ANK3: variants seen among roughly 807,000 people sequenced by gnomAD.
ANK3 encodes ankyrin-3.
ANK3 carries 57 observed loss-of-function variants against 370.9 expected under a neutral mutation model. That is an observed-to-expected ratio of 0.15 (90% confidence interval 0.12 to 0.19). The LOEUF is 0.19. ANK3 is among the 10% of genes least tolerant of loss of function. The probability of loss-of-function intolerance (pLI) is 1.00; values close to 1 mark genes in which losing one functional copy is unlikely to be tolerated. For synonymous variants in ANK3, 1,929 were observed against 1,946.3 expected, an observed-to-expected ratio of 0.99 and a Z score of 0.23; for missense variants, 4,439 against 5,302.1, an observed-to-expected ratio of 0.84 and a Z score of 5.06.
At chr10:60,483,091 A>AT (rs896882402) in intron 2 of ANK3, among the ~76,000 whole-genome samples, 5 of 152,168 alleles carry the variant, frequency 3.3e-5, no homozygotes, top group African/African-American at 1.2e-4. Flanking sequence ...TATAAGGAGT[A>AT]TTTTTTATCT....
At chr10:60,501,767 A>T (rs2075805400) in intron 2 of ANK3, among the ~76,000 whole-genome samples, 1 of 150,374 alleles carries the variant, frequency 6.7e-6, no homozygotes, top group Non-Finnish European at 1.5e-5. Flanking sequence ...AAGAGGACAC[A>T]GTTTGAGACC....
At chr10:60,630,531 C>T (rs1249575590) in intron 1 of ANK3, among the ~76,000 whole-genome samples, 1 of 152,136 alleles carries the variant, frequency 6.6e-6, no homozygotes, top group Non-Finnish European at 1.5e-5. Context: ...TGCAGAGGAA[C>T]TAATCAGAGT....
intron 2 of ANK3, among the ~76,000 whole-genome samples, chr10:60,573,859 TCA>T (rs1203067121): frequency 6.6e-6 from 1 of 152,020 alleles, no homozygotes; most frequent in East Asian, 1.9e-4. Context: ...GAGAGAGGGT[TCA>T]GGTCCATTCC....
intron 4 of ANK3, among the ~76,000 whole-genome samples, chr10:60,273,236 A>G (rs893135255): frequency 1.3e-5 from 2 of 152,294 alleles, no homozygotes; most frequent in Non-Finnish European, 2.9e-5. Context: ...ATAGCTTTCT[A>G]CTTTCTTTTT....
chr10:60,331,044 A>C (rs2051131021), intron 1 of ANK3, among the ~76,000 whole-genome samples: 2 of 151,626 alleles, frequency 1.3e-5, no homozygotes, highest in African/African-American at 4.9e-5. Context: ...GCATGTTCTC[A>C]CTCATAAGTG....
rs749237603 is a variant in ANK3 at position 60,181,322 on chromosome 10, C to T, written c.2184+7G>A. ...TCTTTTCCGTGTGGCAAGGGAGGGC[C>T]GTATACCTTTGTCTGGGCGTCCACA... On this transcript the variant is annotated splice_region_variant and intron_variant, in intron 18 of 43. Coordinates refer to ENST00000280772, the MANE Select transcript of ANK3 (RefSeq NM_020987.5). 2.7e-5 allele frequency: 43 copies of T among 1,613,252 alleles called. No homozygotes were observed. The highest frequency in any genetic ancestry group is 3.3e-4 in the Middle Eastern group (2 of 6,082).
intron 1 of ANK3, among the ~76,000 whole-genome samples, chr10:60,304,541 G>A (rs1200611076): frequency 6.6e-6 from 1 of 152,030 alleles, no homozygotes; most frequent in Non-Finnish European, 1.5e-5. Flanking sequence ...TACTCAGGAG[G>A]CTGAGGCAGA....
At chr10:60,244,705 G>A (rs1033492684) in intron 7 of ANK3, among the ~76,000 whole-genome samples, 5 of 152,164 alleles carry the variant, frequency 3.3e-5, no homozygotes, top group African/African-American at 1.2e-4. Flanking sequence ...TACGTTCACA[G>A]AGAAAGCACA....
intron 2 of ANK3, among the ~76,000 whole-genome samples, chr10:60,478,362 G>A (rs1347681930): frequency 6.6e-6 from 1 of 152,002 alleles, no homozygotes; most frequent in East Asian, 1.9e-4. Flanking sequence ...AGCTATTTCA[G>A]TAGGTTATAT....
chr10:60,651,226 C>T (rs2078785332), intron 1 of ANK3, among the ~76,000 whole-genome samples: 1 of 152,090 alleles, frequency 6.6e-6, no homozygotes, highest in South Asian at 2.1e-4. Flanking sequence ...ATAAAATTAG[C>T]TGATAGAAGT....
intron 2 of ANK3, among the ~76,000 whole-genome samples, chr10:60,492,007 A>G (rs992232771): frequency 1.3e-5 from 2 of 152,212 alleles, no homozygotes; most frequent in East Asian, 3.9e-4. Context: ...CTGTGGTCCC[A>G]TAAGATTATA....
At chr10:60,416,185 C>A (rs1284996654) in intron 2 of ANK3, among the ~76,000 whole-genome samples, 1 of 152,102 alleles carries the variant, frequency 6.6e-6, no homozygotes, top group African/African-American at 2.4e-5. Context: ...GATTTCTCAG[C>A]CTCTGACACT....
At chr10:60,237,690 C>A (rs112179297) in intron 7 of ANK3, among the ~76,000 whole-genome samples, 1,590 of 151,840 alleles carry the variant, frequency 0.01, 29 homozygotes, top group African/African-American at 0.037. Flanking sequence ...CATAGGTATA[C>A]ATGTGCCATG....
Position 60,088,390 on chromosome 10 carries a change from G to A in ANK3, c.3329-32C>T, listed in dbSNP as rs771840558. The A allele has an allele frequency of 1.9e-6, 3 of 1,573,958 alleles. No homozygotes were observed. The South Asian group carries it at 3.3e-5, about 18-fold the overall frequency. ...AGACAAATGAAAGAAAATGCCATGAGAATAAGCATATCTACAACATACCTT... is the reference window on the plus strand; with the variant it reads ...AGACAAATGAAAGAAAATGCCATGAAAATAAGCATATCTACAACATACCTT... On this transcript the variant is annotated intron_variant, in intron 28 of 43. Transcript: ENST00000280772.
intron 2 of ANK3, among the ~76,000 whole-genome samples, chr10:60,462,630 C>A (rs1261424915): frequency 7.3e-6 from 1 of 137,214 alleles, no homozygotes; most frequent in Non-Finnish European, 1.6e-5. Context: ...ACTGTTAGTT[C>A]TTTATTGGAT....
At chr10:60,598,278 G>T (rs942755121) in intron 2 of ANK3, among the ~76,000 whole-genome samples, 11 of 152,160 alleles carry the variant, frequency 7.2e-5, no homozygotes, top group African/African-American at 2.4e-4. Context: ...TTTAGCTTTG[G>T]TGATATCCAT....
chr10:60,471,161 A>G (rs535629983), intron 2 of ANK3, among the ~76,000 whole-genome samples: 1 of 152,216 alleles, frequency 6.6e-6, no homozygotes, highest in East Asian at 1.9e-4. Context: ...AATAAATGCA[A>G]TTAGTTTGAA....
intron 4 of ANK3, among the ~76,000 whole-genome samples, chr10:60,273,537 C>G (rs542287336): frequency 5.9e-5 from 9 of 152,272 alleles, no homozygotes; most frequent in Admixed American, 1.3e-4. Flanking sequence ...TGCACTTTCT[C>G]TCTCTAGTTT....
chr10:60,282,947 C>T (rs931234594), intron 1 of ANK3, among the ~76,000 whole-genome samples: 13 of 152,212 alleles, frequency 8.5e-5, no homozygotes, highest in South Asian at 4.2e-4. Flanking sequence ...CCAATAAGTT[C>T]CTCCTTTTAC....
Sources: gnomAD v4.1 joint callset for allele counts (sites outside exome capture counted in the v4.1 genomes callset) on GRCh38, gnomAD v4.1.1 for gene constraint, MANE v1.5 for transcripts, NCBI Gene and HGNC (gene_info 2026-07-23, HGNC 2026-07-21) for gene names.